The following PCM1 variants were observed in gnomAD, a reference collection of about 807,000 sequenced individuals.
The protein encoded by PCM1 is pericentriolar material 1.
PCM1 carries 157 observed loss-of-function variants against 241.9 expected under a neutral mutation model. The observed-to-expected ratio is 0.65, with a 90% CI of 0.57 to 0.74. The LOEUF is 0.74. PCM1 is among the 30% of genes least tolerant of loss of function. The pLI is 0.00. For missense variants in PCM1, 3,478 were observed against 2,360.1 expected (o/e 1.47, Z -9.81); for synonymous variants, 1,085 against 784.9 (o/e 1.38, Z -6.39).
At chr8:17,980,568 A>G (rs759983425) in intron 23 of PCM1, 23 bp from the exon 24 acceptor site, 4 of 1,562,364 alleles carry the variant, frequency 2.6e-6, no homozygotes, top group South Asian at 1.2e-5. Flanking sequence ...AACTGATAAC[A>G]GTTGTCACTT....
rs996076763 is a variant in PCM1 at position 17,951,745 on chromosome 8, G to A, written c.1071+1021G>A. On this transcript the variant is annotated intron_variant, in intron 8 of 38. Transcript: ENST00000325083. ...ATTCCAGGTTGGGGTTACCTTTGGA[G>A]TGGGTAATGACATTGGAAAGGGTAC... is the stretch of plus-strand genomic sequence containing the variant. Among the ~76,000 whole-genome samples the A allele has an allele frequency of 2.0e-5, 3 of 152,156 alleles. No homozygotes were observed. In the East Asian group the frequency reaches 5.8e-4, roughly 29 times the overall value.
chr8:17,972,412 T>C lies in PCM1; in HGVS notation c.3668T>C (p.Phe1223Ser), dbSNP rs1170701785. ...CAAGAAGGTGAAGTAGAGAAACCATTTATCAAGACTGGATTTTCAGTGTCT... is the reference window on the plus strand; with the variant it reads ...CAAGAAGGTGAAGTAGAGAAACCATCTATCAAGACTGGATTTTCAGTGTCT... ...YEQEGEVEKP[F>S]IKTGFSVSVE... The change falls in exon 23 of 39, where the codon TTT (phenylalanine) becomes TCT (serine). Residue 1223 changes from phenylalanine to serine, a missense_variant. Transcript: ENST00000325083. 1 of 1,610,832 alleles carries C rather than the reference T, an allele frequency of 6.2e-7. No homozygotes were observed. Among genetic ancestry groups the C allele is most frequent in the Non-Finnish European group, 8.5e-7 (1 of 1,178,132 alleles).
intron 26 of PCM1, among the ~76,000 whole-genome samples, chr8:17,986,693 T>C (rs180849909): frequency 4.6e-4 from 70 of 151,860 alleles, no homozygotes; most frequent in Non-Finnish European, 8.4e-4. Context: ...GCTAGTATAT[T>C]GAGGAGATAA....
intron 11 of PCM1, 49 bp downstream of exon 11, chr8:17,956,826 A>C: frequency 7.3e-7 from 1 of 1,370,768 alleles, no homozygotes; most frequent in Non-Finnish European, 1.0e-6. Context: ...TTCTGTCTTG[A>C]TACTTATAAT....
chr8:17,980,802 A>C, intron 24 of PCM1, 47 bp downstream of exon 24: 1 of 1,418,702 alleles, frequency 7.0e-7, no homozygotes, highest in Non-Finnish European at 9.7e-7. Context: ...TTTTCAGCTT[A>C]GATTTGAAAA....
At chr8:17,929,578 G>T (rs184347640) in intron 2 of PCM1, among the ~76,000 whole-genome samples, 1 of 152,126 alleles carries the variant, frequency 6.6e-6, no homozygotes, top group African/African-American at 2.4e-5. Flanking sequence ...TTTCTTTTCT[G>T]ATCAGTTTAA....
chr8:17,944,215 C>T (rs750951682), intron 6 of PCM1, among the ~76,000 whole-genome samples: 51 of 152,074 alleles, frequency 3.4e-4, no homozygotes, highest in Non-Finnish European at 5.9e-4. Flanking sequence ...GTTCTTCAGA[C>T]ATGATGTCTT....
At chr8:17,950,750 G>T in intron 8 of PCM1, 26 bp downstream of exon 8, 1 of 1,269,208 alleles carries the variant, frequency 7.9e-7, no homozygotes, top group South Asian at 1.3e-5. Flanking sequence ...TAGTATAGTT[G>T]AGTTTAAAAA....
At chr8:17,998,627 A>G (rs113506768) in intron 29 of PCM1, among the ~76,000 whole-genome samples, 7 of 152,172 alleles carry the variant, frequency 4.6e-5, no homozygotes, top group Non-Finnish European at 1.0e-4. Flanking sequence ...CCAGCACAGC[A>G]CAGCACTGGG....
intron 15 of PCM1, 46 bp downstream of exon 15, chr8:17,960,490 A>G (rs770295042): frequency 2.7e-6 from 4 of 1,508,028 alleles, no homozygotes; most frequent in Non-Finnish European, 2.7e-6. Flanking sequence ...AGATGTTTAA[A>G]ACCTTAGGTC....
rs555562009 is a variant in PCM1 at position 17,929,966 on chromosome 8, G to T, written c.-23+5186G>T. ...GTTTCCTGACCATGGTTGACTATGG[G>T]GAACTATAATCCTGTAACACAAAAC... On this transcript the variant is annotated intron_variant, in intron 2 of 38. Transcript: ENST00000325083. Among the ~76,000 whole-genome samples the T allele has an allele frequency of 2.6e-5, 4 of 152,192 alleles. No individual in the cohort carries two copies. In the East Asian group the frequency reaches 7.7e-4, roughly 29 times the overall value.
At chr8:17,945,322 C>T (rs561953848) in intron 6 of PCM1, among the ~76,000 whole-genome samples, 240 of 152,090 alleles carry the variant, frequency 1.6e-3, no homozygotes, top group Non-Finnish European at 2.9e-3. Flanking sequence ...GTAAACAGTA[C>T]TTAATTTGTT....
chr8:17,928,820 C>T (rs1304845851), intron 2 of PCM1, among the ~76,000 whole-genome samples: 1 of 151,770 alleles, frequency 6.6e-6, no homozygotes, highest in Admixed American at 6.6e-5. Context: ...TTAGTGGAAA[C>T]AGGGTTTCGC....
chr8:17,949,968 A>G (rs553736404), intron 7 of PCM1, among the ~76,000 whole-genome samples: 1 of 152,296 alleles, frequency 6.6e-6, no homozygotes, highest in Non-Finnish European at 1.5e-5. Flanking sequence ...TATGACTTGT[A>G]TCACAAACAG....
intron 36 of PCM1, among the ~76,000 whole-genome samples, chr8:18,022,705 A>T (rs1202860819): frequency 6.6e-6 from 1 of 152,180 alleles, no homozygotes; most frequent in African/African-American, 2.4e-5. Context: ...CAGTCTCCCT[A>T]TATGCAGTCA....
At chr8:17,985,408 T>C (rs1178232775) in intron 24 of PCM1, 39 bp from the exon 25 acceptor site, 29 of 1,429,968 alleles carry the variant, frequency 2.0e-5, no homozygotes, top group Non-Finnish European at 2.7e-5. Context: ...ATGAAGGTAC[T>C]TCATCAATAT....
chr8:17,957,811 C>A (rs759583304), intron 13 of PCM1, 36 bp downstream of exon 13: 1 of 1,372,174 alleles, frequency 7.3e-7, no homozygotes, highest in Non-Finnish European at 1.0e-6. Context: ...ACCTATTTGT[C>A]AAATAGTACA....
chr8:18,018,883 C>CATAT (rs1287241130), intron 36 of PCM1, among the ~76,000 whole-genome samples: 36 of 51,618 alleles, frequency 7.0e-4, no homozygotes, highest in Non-Finnish European at 1.5e-3. Flanking sequence ...TATATATACA[C>CATAT]ACACATATAC....
chr8:17,945,344 T>C (rs938099733), intron 6 of PCM1, among the ~76,000 whole-genome samples: 1 of 152,074 alleles, frequency 6.6e-6, no homozygotes, highest in African/African-American at 2.4e-5. Flanking sequence ...AAAGTTTCAG[T>C]TTATTAGAGG....
Sources: allele counts gnomAD v4.1 joint callset (sites outside exome capture counted in the v4.1 genomes callset), GRCh38; gene constraint gnomAD v4.1.1; transcripts MANE v1.5; gene names NCBI Gene and HGNC (gene_info 2026-07-23, HGNC 2026-07-21).